Variants in PRR5L observed in about 807,000 individuals in gnomAD.
PRR5L encodes proline rich 5 like.
PRR5L carries 21 observed loss-of-function variants against 36.4 expected under a neutral mutation model. That is an observed-to-expected ratio of 0.58 (90% CI 0.41 to 0.83). The LOEUF (loss-of-function observed/expected upper bound fraction) is 0.83, where lower values mean the gene tolerates loss of function less well. Among genes scored for constraint, PRR5L ranks in the 40% least tolerant of loss-of-function variants. The pLI is 0.00. For synonymous variants in PRR5L, 188 were observed against 197.0 expected (o/e 0.95, Z 0.38); for missense variants, 381 against 473.3 (o/e 0.80, Z 1.81).
intron 3 of PRR5L, among the ~76,000 whole-genome samples, chr11:36,404,738 A>G (rs1467749501): frequency 2.0e-5 from 3 of 152,172 alleles, no homozygotes; most frequent in Non-Finnish European, 4.4e-5. Context: ...GTGTTTTAAG[A>G]GCTCTACTTT....
At chr11:36,419,350 G>T (rs550589308) in intron 4 of PRR5L, 47 bp downstream of exon 4, 4 of 1,543,224 alleles carry the variant, frequency 2.6e-6, no homozygotes, top group Middle Eastern at 1.7e-4. Flanking sequence ...GCATGTGGGG[G>T]CATGGACCTA....
At chr11:36,451,167 A>G in intron 7 of PRR5L, 42 bp from the exon 8 acceptor site, 2 of 1,609,640 alleles carry the variant, frequency 1.2e-6, no homozygotes, top group African/African-American at 2.7e-5. Context: ...GGTCATGGCA[A>G]TGAACACTGA....
chr11:36,451,278 TCTC>T lies in PRR5L; in HGVS notation c.658_660del (p.Pro220del). ...GGAGGAGCTGGTGAAGCAAGTGGTT[TCTC>T]CTTTCCTCGGCATCAGCGGGGACCG... On this transcript the variant is annotated inframe_deletion, in exon 8 of 9. Transcript: ENST00000530639. The T allele has an allele frequency of 1.9e-6, 3 of 1,614,182 alleles. No homozygotes were observed. The highest frequency in any genetic ancestry group is 2.5e-6 in the Non-Finnish European group (3 of 1,180,018).
chr11:36,315,934 G>A (rs1289795555), intron 1 of PRR5L, among the ~76,000 whole-genome samples: 1 of 152,188 alleles, frequency 6.6e-6, no homozygotes, highest in African/African-American at 2.4e-5. Flanking sequence ...AACAGCTTTG[G>A]AGCCCCTCAG....
chr11:36,301,790 T>A (rs1856379822), intron 1 of PRR5L, among the ~76,000 whole-genome samples: 1 of 152,114 alleles, frequency 6.6e-6, no homozygotes, highest in Non-Finnish European at 1.5e-5. Flanking sequence ...ACTGGGAAAA[T>A]TTGAATGTAG....
Position 36,344,366 on chromosome 11 carries a change from C to A in PRR5L, c.-126+47928C>A, listed in dbSNP as rs1010719325. 1.3e-5 allele frequency among the ~76,000 whole-genome samples: 2 copies of A among 152,158 alleles called. No individual in the cohort carries two copies. The highest frequency in any genetic ancestry group is 1.3e-4 in the Admixed American group (2 of 15,274). On this transcript the variant is annotated intron_variant, in intron 1 of 8. Transcript: ENST00000530639. This position sits in a 1 kb window ranked among gnomAD's most constrained non-coding sequence, Gnocchi z 4.1. ...CCATGCACATTTAGTTGAGATTGCA[C>A]TGTATTTACAGTTTTGTGTTTTGCT...
chr11:36,445,262 C>T (rs528782483), intron 6 of PRR5L, among the ~76,000 whole-genome samples: 7 of 152,222 alleles, frequency 4.6e-5, no homozygotes, highest in South Asian at 2.1e-4. Flanking sequence ...CAGGAACAAC[C>T]GGCTTTTAGT....
chr11:36,300,588 C>G (rs967883888), intron 1 of PRR5L, among the ~76,000 whole-genome samples: 3 of 152,008 alleles, frequency 2.0e-5, no homozygotes, highest in Admixed American at 6.5e-5. Context: ...ATCATCTCAC[C>G]TTCTAGCTCC....
At chr11:36,391,619 G>A (rs935082015) in intron 1 of PRR5L, among the ~76,000 whole-genome samples, 3 of 152,162 alleles carry the variant, frequency 2.0e-5, no homozygotes, top group African/African-American at 2.4e-5. Flanking sequence ...TGGTCCTTCC[G>A]AAAGAAATAT....
Position 36,296,916 on chromosome 11 carries a change from C to G in PRR5L, c.-126+478C>G, listed in dbSNP as rs1856317488. Among the ~76,000 whole-genome samples, 3 of 152,058 alleles carry G rather than the reference C, an allele frequency of 2.0e-5. No homozygotes were observed. The South Asian group carries it at 6.2e-4, about 31-fold the overall frequency. On this transcript the variant is annotated intron_variant, in intron 1 of 8. Coordinates refer to ENST00000530639, the MANE Select transcript of PRR5L (RefSeq NM_001160167.2). Reference sequence around the variant, plus strand: ...TTTCGTCATCATGCCCCTTGTAAAGCATTTTTTTTTACAACATCCTGCTAA... The same window carrying G: ...TTTCGTCATCATGCCCCTTGTAAAGGATTTTTTTTTACAACATCCTGCTAA...
At position 36,351,414 on chromosome 11, in the gene PRR5L, TATATATATTTATATATTTATATATAC is replaced by T. The variant is rs1425847324; in HGVS notation, c.-125-49558_-125-49533del. Among the ~76,000 whole-genome samples the T allele has an allele frequency of 1.2e-3, 86 of 73,414 alleles. 2 individuals are homozygous for T. The highest frequency in any genetic ancestry group is 1.8e-3 in the South Asian group (4 of 2,178). The allele number at this position is 73,414 out of a possible 152,430, so 48.2% of individuals were successfully genotyped here. A position where few individuals can be genotyped will look rare whatever the true frequency, so the allele number is the denominator to read the frequency against. On this transcript the variant is annotated intron_variant, in intron 1 of 8. Transcript: ENST00000530639. ...ATATATATATTTATAAATATATATG[TATATATATTTATATATTTATATATAC>T]ATATATATTTATATATTTATATATT... is the stretch of plus-strand genomic sequence containing the variant.
chr11:36,366,747 G>A lies in PRR5L; in HGVS notation c.-125-34250G>A, dbSNP rs115836371. Among the ~76,000 whole-genome samples the A allele has an allele frequency of 2.3e-3, 354 of 152,268 alleles. 2 individuals are homozygous for A. The highest frequency in any genetic ancestry group is 0.014 in the Middle Eastern group (4 of 294). On this transcript the variant is annotated intron_variant, in intron 1 of 8. Coordinates refer to ENST00000530639, the MANE Select transcript of PRR5L (RefSeq NM_001160167.2). ...AGGACGCTAAATTAGTGGTTAGAGGGTTGTACAGTAGGCTTTGACTCTGAG... is the reference window on the plus strand; with the variant it reads ...AGGACGCTAAATTAGTGGTTAGAGGATTGTACAGTAGGCTTTGACTCTGAG...
At chr11:36,420,040 G>A (rs1440755747) in intron 4 of PRR5L, among the ~76,000 whole-genome samples, 2 of 152,188 alleles carry the variant, frequency 1.3e-5, no homozygotes, top group African/African-American at 4.8e-5. Context: ...CCAATCAGAG[G>A]ATAGTTTCTA....
At chr11:36,374,659 G>A (rs1025612437) in intron 1 of PRR5L, among the ~76,000 whole-genome samples, 4 of 152,128 alleles carry the variant, frequency 2.6e-5, no homozygotes, top group African/African-American at 7.2e-5. Context: ...GATAATGATA[G>A]GAAAAATAAT....
At chr11:36,375,991 C>G (rs1231337384) in intron 1 of PRR5L, 7 of 425,980 alleles carry the variant, frequency 1.6e-5, no homozygotes, top group Admixed American at 2.8e-5. Context: ...CTTGGCTTGG[C>G]AGTTTCCCAT....
At chr11:36,454,087 G>C (rs1858998960) in intron 8 of PRR5L, 1 of 152,282 alleles carries the variant, frequency 6.6e-6, no homozygotes, top group Non-Finnish European at 1.5e-5. Flanking sequence ...GGTTTACAGG[G>C]GAAGCAAGTG....
intron 1 of PRR5L, among the ~76,000 whole-genome samples, chr11:36,349,219 G>C (rs1294139696): frequency 1.3e-5 from 2 of 150,796 alleles, no homozygotes; most frequent in African/African-American, 4.9e-5. Flanking sequence ...GCGAGGCGGA[G>C]GTTGCAGTGA....
At position 36,362,777 on chromosome 11, in the gene PRR5L, G is replaced by C. The variant is rs186836524; in HGVS notation, c.-125-38220G>C. On this transcript the variant is annotated intron_variant, in intron 1 of 8. Coordinates refer to ENST00000530639, the MANE Select transcript of PRR5L (RefSeq NM_001160167.2). ...GGGATTCAAAGATAAATAATGTGCT[G>C]TCATTGATTTTATAATTTGTGAGTG... is the stretch of plus-strand genomic sequence containing the variant. Among the ~76,000 whole-genome samples the C allele has an allele frequency of 1.6e-4, 24 of 152,092 alleles. No homozygotes were observed. The East Asian group carries it at 4.7e-3, about 30-fold the overall frequency.
intron 1 of PRR5L, among the ~76,000 whole-genome samples, chr11:36,358,834 T>C (rs1428067779): frequency 1.3e-5 from 2 of 152,320 alleles, no homozygotes; most frequent in East Asian, 3.9e-4. Context: ...AGGATGAAGA[T>C]ACTGAAGAGG....
Sources: allele counts gnomAD v4.1 joint callset (sites outside exome capture counted in the v4.1 genomes callset), GRCh38; gene constraint gnomAD v4.1.1; non-coding constraint Gnocchi (gnomAD v3.1); transcripts MANE v1.5; gene names NCBI Gene and HGNC (gene_info 2026-07-23, HGNC 2026-07-21).